The following ADAT2 variants were observed in gnomAD, a reference collection of about 807,000 sequenced individuals.
The protein encoded by ADAT2 is adenosine deaminase tRNA specific 2.
ADAT2 carries 26 observed loss-of-function variants against 25.9 expected under a neutral mutation model. The ratio of observed to expected loss-of-function variants is 1.00; its 90% CI spans 0.74 to 1.39. ADAT2 has a LOEUF of 1.39. ADAT2 is among the 40% of genes most tolerant of loss of function. The pLI, the probability that ADAT2 is intolerant of heterozygous loss-of-function variation, is 0.00. For synonymous variants in ADAT2, 76 were observed against 86.8 expected (o/e 0.88, Z 0.69); for missense variants, 220 against 244.8 (o/e 0.90, Z 0.68).
chr6:143,444,990 G>T lies in ADAT2; in HGVS notation c.96+5573C>A. The T allele has an allele frequency of 7.7e-7, 1 of 1,300,232 alleles. No homozygotes were observed. Among genetic ancestry groups the T allele is most frequent in the Non-Finnish European group, 1.0e-6 (1 of 985,984 alleles). The allele number at this position is 1,300,232 out of a possible 1,614,324, so 80.5% of individuals were successfully genotyped here. The stretch of plus-strand genomic sequence containing the variant: ...ATTTCCTATAAAGACAAAAAATTAG[G>T]GGGAACAAACAAGTTAGCCAGAACT... On this transcript the variant is annotated intron_variant, in intron 1 of 5. Coordinates refer to ENST00000237283, the MANE Select transcript of ADAT2 (RefSeq NM_182503.3). This position sits in a 1 kb window ranked among gnomAD's most constrained non-coding sequence, Gnocchi z 4.3.
chr6:143,449,318 T>C (rs1779687520), intron 1 of ADAT2, among the ~76,000 whole-genome samples: 1 of 152,184 alleles, frequency 6.6e-6, no homozygotes. Flanking sequence ...TTCCAAAGTT[T>C]TGGGATTACA....
At chr6:143,445,348 GCA>G (rs1779571651) in intron 1 of ADAT2, among the ~76,000 whole-genome samples, 1 of 151,844 alleles carries the variant, frequency 6.6e-6, no homozygotes, top group South Asian at 2.1e-4. Context: ...AAAGGCACAC[GCA>G]CATAATATTT....
rs190719468 is a variant in ADAT2, at chr6:143,434,719, G to A, written c.202-738C>T. Among the ~76,000 whole-genome samples, 1 of 152,154 alleles carries A rather than the reference G, an allele frequency of 6.6e-6. No homozygotes were observed. The highest frequency in any genetic ancestry group is 6.5e-5 in the Admixed American group (1 of 15,272). On this transcript the variant is annotated intron_variant, in intron 2 of 5. Coordinates refer to ENST00000237283, the MANE Select transcript of ADAT2 (RefSeq NM_182503.3). This position sits in a 1 kb window ranked among gnomAD's most constrained non-coding sequence, Gnocchi z 4.5. Reference sequence around the variant, plus strand: ...ATAAATCTGAATTACATGAAGCATGGTGCCACATAATACTACACATGTACT... The same window carrying A: ...ATAAATCTGAATTACATGAAGCATGATGCCACATAATACTACACATGTACT...
Position 143,438,654 on chromosome 6 carries a change from C to G in ADAT2, c.137G>C (p.Cys46Ser). 2.5e-6 allele frequency: 4 copies of G among 1,613,524 alleles called. No individual in the cohort carries two copies. The highest frequency in any genetic ancestry group is 2.7e-5 in the African/African-American group (2 of 74,998). The change falls in exon 2 of 6, where the codon TGT (cysteine) becomes TCT (serine). Residue 46 changes from cysteine to serine, a missense_variant. Coordinates refer to ENST00000237283, the MANE Select transcript of ADAT2 (RefSeq NM_182503.3). ...ALENTEVPVGCLMVYNNEVVG... is the reference protein window; with the variant it reads ...ALENTEVPVGSLMVYNNEVVG... ...AACTTCATTGTTGTAGACCATAAGA[C>G]AGCCAACAGGAACTTCAGTATTTTC...
chr6:143,439,793 G>C lies in ADAT2; in HGVS notation c.97-1099C>G, dbSNP rs145040367. ...AGAGATGTTTGCATTATTCAAAACA[G>C]ATTGAAGGATACATTTACAACCTGT... On this transcript the variant is annotated intron_variant, in intron 1 of 5. Transcript: ENST00000237283. Among the ~76,000 whole-genome samples, 199 of 152,242 alleles carry C rather than the reference G, an allele frequency of 1.3e-3. 1 individual carries two copies. In the Middle Eastern group the frequency reaches 0.014, roughly 10 times the overall value.
At chr6:143,443,514 C>T (rs563862848) in intron 1 of ADAT2, among the ~76,000 whole-genome samples, 4 of 152,052 alleles carry the variant, frequency 2.6e-5, no homozygotes, top group African/African-American at 9.6e-5. Context: ...CTGGGTAACA[C>T]AGCAAGACCC....
At chr6:143,449,476 G>A (rs183219569) in intron 1 of ADAT2, among the ~76,000 whole-genome samples, 2 of 152,122 alleles carry the variant, frequency 1.3e-5, no homozygotes, top group East Asian at 1.9e-4. Flanking sequence ...CATAGTTTAC[G>A]TCCTCCTACA....
chr6:143,428,412 G>T lies in ADAT2; in HGVS notation c.*51C>A. ...ACGATGTCAACAGCTTTCAGTCTAT[G>T]AATCTTGTCCAGGTCACTTTGGGTC... On this transcript the variant is annotated 3_prime_UTR_variant, in exon 6 of 6. Transcript: ENST00000237283. The surrounding 1 kb of genome is among the most constrained non-coding windows in gnomAD (Gnocchi z 5.0). 1.3e-6 allele frequency: 2 copies of T among 1,575,626 alleles called. No individual in the cohort carries two copies. The highest frequency in any genetic ancestry group is 2.3e-5 in the South Asian group (2 of 88,282).
In ADAT2 at chr6:143,435,157, T is replaced by TTAAA. The variant is rs59627912; in HGVS notation, c.202-1177_202-1176insTTTA. 2.1e-3 allele frequency among the ~76,000 whole-genome samples: 261 copies of TTAAA among 122,044 alleles called. 6 individuals are homozygous for TTAAA. The highest frequency in any genetic ancestry group is 4.2e-3 in the Middle Eastern group (1 of 236). 80.1% of individuals were successfully genotyped at this position (122,044 alleles called of 152,430 possible). A position where few individuals can be genotyped will look rare whatever the true frequency, so the allele number is the denominator to read the frequency against. On this transcript the variant is annotated intron_variant, in intron 2 of 5. Coordinates refer to ENST00000237283, the MANE Select transcript of ADAT2 (RefSeq NM_182503.3). ...GCACACCAAAACTAAGTGGAGAGTT[T>TTAAA]AAAAAAAAAAAAAAAAAAAAGGTTT...
At chr6:143,450,165 T>G (rs920931965) in intron 1 of ADAT2, among the ~76,000 whole-genome samples, 1 of 152,164 alleles carries the variant, frequency 6.6e-6, no homozygotes, top group Non-Finnish European at 1.5e-5. Context: ...GTTTCCATAC[T>G]GCTCTCTACC....
At chr6:143,439,251 A>G (rs553938467) in intron 1 of ADAT2, among the ~76,000 whole-genome samples, 52 of 151,446 alleles carry the variant, frequency 3.4e-4, no homozygotes, top group Non-Finnish European at 1.3e-4. Context: ...ATCATTATGA[A>G]AAACGTTTTG....
chr6:143,429,155 C>A (rs1779034152), intron 4 of ADAT2, among the ~76,000 whole-genome samples: 1 of 152,104 alleles, frequency 6.6e-6, no homozygotes, highest in South Asian at 2.1e-4. Context: ...TGCTATAGAG[C>A]TAGGGTTGGC....
rs1778861863 is a variant in ADAT2, at chr6:143,424,122, C to A, written c.*4341G>T. The A allele has an allele frequency of 6.6e-6, 1 of 152,062 alleles. No homozygotes were observed. The highest frequency in any genetic ancestry group is 1.5e-5 in the Non-Finnish European group (1 of 68,008). The allele number at this position is 152,062 out of a possible 1,614,324, so 9.4% of individuals were successfully genotyped here. A position where few individuals can be genotyped will look rare whatever the true frequency, so the allele number is the denominator to read the frequency against. On this transcript the variant is annotated 3_prime_UTR_variant, in exon 6 of 6. Transcript: ENST00000237283. This position sits in a 1 kb window ranked among gnomAD's most constrained non-coding sequence, Gnocchi z 4.8. Reference sequence around the variant, plus strand: ...GATGTCAAACTTTCAGCAGAACTCACCAGTCTAATCCATAAAAATCACGTC... The same window carrying A: ...GATGTCAAACTTTCAGCAGAACTCAACAGTCTAATCCATAAAAATCACGTC...
chr6:143,436,899 A>T lies in ADAT2; in HGVS notation c.201+1691T>A, dbSNP rs894716259. ...TTAAAAGTATGACTTACATATATTC[A>T]TGCTTCTCACTTATTACAGGGTAAA... On this transcript the variant is annotated intron_variant, in intron 2 of 5. Coordinates refer to ENST00000237283, the MANE Select transcript of ADAT2 (RefSeq NM_182503.3). The surrounding 1 kb of genome is among the most constrained non-coding windows in gnomAD (Gnocchi z 4.1). 6.6e-6 allele frequency among the ~76,000 whole-genome samples: 1 copy of T among 152,192 alleles called. No homozygotes were observed. Among genetic ancestry groups the T allele is most frequent in the Non-Finnish European group, 1.5e-5 (1 of 68,042 alleles).
chr6:143,428,730 G>C lies in ADAT2; in HGVS notation c.460-46C>G, dbSNP rs769295794. ...AGAATAAACATAGGCCTATGAAAAT[G>C]TGTGCTGTATCCCATAAAAACAACA... On this transcript the variant is annotated intron_variant, in intron 4 of 5. Coordinates refer to ENST00000237283, the MANE Select transcript of ADAT2 (RefSeq NM_182503.3). This position sits in a 1 kb window ranked among gnomAD's most constrained non-coding sequence, Gnocchi z 5.0. The C allele has an allele frequency of 6.4e-7, 1 of 1,566,678 alleles. No individual in the cohort carries two copies. Among genetic ancestry groups the C allele is most frequent in the Non-Finnish European group, 8.8e-7 (1 of 1,140,386 alleles).
At chr6:143,430,392 C>G (rs1235973700) in intron 4 of ADAT2, among the ~76,000 whole-genome samples, 1 of 152,184 alleles carries the variant, frequency 6.6e-6, no homozygotes, top group Non-Finnish European at 1.5e-5. Context: ...TGAGCAGAGT[C>G]AGGCACAGAA....
In ADAT2 at chr6:143,450,662, C is replaced by G; in HGVS notation, c.-4G>C. 1 of 1,613,116 alleles carries G rather than the reference C, an allele frequency of 6.2e-7. No homozygotes were observed. The highest frequency in any genetic ancestry group is 2.2e-5 in the East Asian group (1 of 44,876). On this transcript the variant is annotated 5_prime_UTR_variant, in exon 1 of 6. Transcript: ENST00000237283. ...TGGGTGCCGCCTTCGCCTCCATACC[C>G]AGCCACCACTCAGCTACAGAGCCCG...
Position 143,423,775 on chromosome 6 carries a change from C to G in ADAT2, c.*4688G>C, listed in dbSNP as rs1446837030. On this transcript the variant is annotated 3_prime_UTR_variant, in exon 6 of 6. Transcript: ENST00000237283. ...GTTGAAGGGAGGCCAAGGACTTACACATCAAAAGTAGGGGATGAGAAATTT... is the reference window on the plus strand; with the variant it reads ...GTTGAAGGGAGGCCAAGGACTTACAGATCAAAAGTAGGGGATGAGAAATTT... The G allele has an allele frequency of 6.6e-6, 1 of 152,160 alleles. No homozygotes were observed. Among genetic ancestry groups the G allele is most frequent in the African/African-American group, 2.4e-5 (1 of 41,420 alleles). The allele number at this position is 152,160 out of a possible 1,614,324, so 9.4% of individuals were successfully genotyped here.
intron 1 of ADAT2, 129 bp downstream of exon 1, chr6:143,450,434 G>C: frequency 1.0e-6 from 1 of 996,208 alleles, no homozygotes. Flanking sequence ...AAAGCCAGTT[G>C]TTCACCCAGA....
Sources: gnomAD v4.1 joint callset for allele counts (sites outside exome capture counted in the v4.1 genomes callset) on GRCh38, gnomAD v4.1.1 for gene constraint, Gnocchi (gnomAD v3.1) non-coding constraint, MANE v1.5 for transcripts, NCBI Gene and HGNC (gene_info 2026-07-23, HGNC 2026-07-21) for gene names.